NCMAP: variants seen among roughly 807,000 people sequenced by gnomAD.
The protein encoded by NCMAP is non-compact myelin associated protein, also known as noncompact myelin-associated protein.
In NCMAP, 8 loss-of-function variants were observed where a neutral mutation model predicts 7.8. That is an observed-to-expected ratio of 1.02 (90% confidence interval 0.60 to 1.84). The LOEUF (loss-of-function observed/expected upper bound fraction) is 1.84, where lower values mean the gene tolerates loss of function less well. Among genes scored for constraint, NCMAP ranks in the 40% most tolerant of loss-of-function variants. The pLI is 0.00. For missense variants in NCMAP, 112 were observed against 131.4 expected (o/e 0.85, Z 0.72); for synonymous variants, 41 against 52.9 (o/e 0.78, Z 0.98).
chr1:24,575,711 C>T (rs572046316), intron 1 of NCMAP, among the ~76,000 whole-genome samples: 4 of 150,826 alleles, frequency 2.7e-5, no homozygotes, highest in African/African-American at 2.4e-5. Context: ...TTTGAGAGGC[C>T]GAGGCGGCTG....
chr1:24,577,401 G>GTTTTTTTTTGTTTT (rs1651605073), intron 1 of NCMAP, among the ~76,000 whole-genome samples: 10 of 39,964 alleles, frequency 2.5e-4, no homozygotes, highest in South Asian at 1.3e-3. Context: ...CACTGGCCTT[G>GTTTTTTTTTGTTTT]TTTTTTTTTT....
chr1:24,562,764 C>A (rs1215507806), intron 1 of NCMAP, among the ~76,000 whole-genome samples: 1 of 152,214 alleles, frequency 6.6e-6, no homozygotes. Context: ...AATGCCCCTA[C>A]AGTCCCACCC....
At chr1:24,605,077 C>G (rs1652675906) in intron 3 of NCMAP, among the ~76,000 whole-genome samples, 2 of 151,522 alleles carry the variant, frequency 1.3e-5, no homozygotes, top group African/African-American at 2.4e-5. Context: ...GATCGCTCCA[C>G]TGCACTCCAG....
chr1:24,600,247 C>T (rs1652430924), intron 2 of NCMAP, among the ~76,000 whole-genome samples: 1 of 152,070 alleles, frequency 6.6e-6, no homozygotes, highest in Admixed American at 6.6e-5. Context: ...ACCTCCCAGG[C>T]TCAAGAGATC....
At chr1:24,603,362 A>G (rs1652574055) in intron 3 of NCMAP, among the ~76,000 whole-genome samples, 1 of 150,342 alleles carries the variant, frequency 6.7e-6, no homozygotes, top group Non-Finnish European at 1.5e-5. Context: ...TAACATTAAA[A>G]AATTATTTAA....
intron 1 of NCMAP, among the ~76,000 whole-genome samples, chr1:24,569,612 C>T (rs1409346310): frequency 1.3e-5 from 2 of 150,716 alleles, no homozygotes; most frequent in Admixed American, 6.6e-5. Flanking sequence ...CTAGTTCTGC[C>T]GCTTTCACTG....
At chr1:24,586,103 G>A (rs1651872752) in intron 1 of NCMAP, among the ~76,000 whole-genome samples, 2 of 152,292 alleles carry the variant, frequency 1.3e-5, no homozygotes, top group South Asian at 2.1e-4. Flanking sequence ...ACAACCCCAC[G>A]AGACAGGGGC....
chr1:24,594,602 C>T (rs1652156206), intron 1 of NCMAP, among the ~76,000 whole-genome samples: 1 of 152,218 alleles, frequency 6.6e-6, no homozygotes, highest in Non-Finnish European at 1.5e-5. Flanking sequence ...CTTTGTGCAA[C>T]CCAGCCTTTG....
In NCMAP at chr1:24,561,098, C is replaced by T. The variant is rs12070277; in HGVS notation, c.-8+4929C>T. ...CTATAATCCCAGCACTTTGGGAGGC[C>T]GAGGAGGGCGGATCACCTGAGGTCA... On this transcript the variant is annotated intron_variant, in intron 1 of 3. Transcript: ENST00000374392. Among the ~76,000 whole-genome samples, 111 of 146,454 alleles carry T rather than the reference C, an allele frequency of 7.6e-4. 1 individual carries two copies. Among genetic ancestry groups the T allele is most frequent in the African/African-American group, 2.4e-3 (94 of 39,250 alleles).
intron 1 of NCMAP, among the ~76,000 whole-genome samples, chr1:24,562,661 C>T (rs935936558): frequency 6.6e-6 from 1 of 152,198 alleles, no homozygotes; most frequent in African/African-American, 2.4e-5. Context: ...ACAATCACTG[C>T]CTGTCACTTT....
At chr1:24,558,956 T>C (rs1461383690) in intron 1 of NCMAP, among the ~76,000 whole-genome samples, 2 of 150,914 alleles carry the variant, frequency 1.3e-5, no homozygotes, top group East Asian at 3.8e-4. Context: ...ATAAACTCTT[T>C]TAATTTCTTA....
intron 3 of NCMAP, among the ~76,000 whole-genome samples, chr1:24,601,829 A>G (rs1264705655): frequency 6.6e-6 from 1 of 152,190 alleles, no homozygotes; most frequent in Non-Finnish European, 1.5e-5. Context: ...TAACGAGGTC[A>G]GGAGATGGAG....
In NCMAP at chr1:24,600,994, T is replaced by C. The variant is rs1251525101; in HGVS notation, c.137T>C (p.Val46Ala). ...GTGGTTGTCATCATCATCTTCACCG[T>C]GGTTCTGATCCTGCTGAAGATGTAC... ...VVVVVIIIFT[V>A]VLILLKMYNR... is the part of the protein sequence containing the mutation. Residue 46 changes from valine (V) to alanine (A), a missense_variant, in exon 3 of 4, where the codon GTG (valine) becomes GCG (alanine). By Grantham distance (64) the Val-to-Ala change is moderately conservative (BLOSUM62 0). Transcript: ENST00000374392. 1 of 1,614,166 alleles carries C rather than the reference T, an allele frequency of 6.2e-7. No homozygotes were observed. Among genetic ancestry groups the C allele is most frequent in the South Asian group, 1.1e-5 (1 of 91,082 alleles).
intron 1 of NCMAP, among the ~76,000 whole-genome samples, chr1:24,557,353 A>T (rs1289906574): frequency 6.6e-6 from 1 of 152,100 alleles, no homozygotes; most frequent in Non-Finnish European, 1.5e-5. Context: ...AGAGCAACAG[A>T]TTATAGGCAC....
intron 2 of NCMAP, among the ~76,000 whole-genome samples, chr1:24,600,641 G>A (rs1480065675): frequency 6.6e-6 from 1 of 152,210 alleles, no homozygotes. Flanking sequence ...AGGGTATGTT[G>A]TTTGTTTGTT....
chr1:24,579,242 A>G (rs992430526), intron 1 of NCMAP, among the ~76,000 whole-genome samples: 1 of 151,342 alleles, frequency 6.6e-6, no homozygotes, highest in Non-Finnish European at 1.5e-5. Context: ...GTCCTTTCTC[A>G]TAGCATCCTG....
chr1:24,568,022 C>A (rs1020545373), intron 1 of NCMAP, among the ~76,000 whole-genome samples: 1 of 152,086 alleles, frequency 6.6e-6, no homozygotes, highest in Non-Finnish European at 1.5e-5. Context: ...AGGTCACACT[C>A]CCGTGACCGC....
intron 1 of NCMAP, among the ~76,000 whole-genome samples, chr1:24,586,529 G>A (rs556002478): frequency 1.3e-5 from 2 of 152,152 alleles, no homozygotes; most frequent in Non-Finnish European, 2.9e-5. Context: ...TTGGGAGGCC[G>A]AGGAGGGCGG....
rs6656087 is a variant in NCMAP, at chr1:24,556,399, A to G, written c.-8+230A>G. ...GGTGGGAGGGAGGCTGATCATCTCC[A>G]GTGGGTCTTGGAGACGAGGTCGTTT... is the stretch of plus-strand genomic sequence containing the variant. On this transcript the variant is annotated intron_variant, in intron 1 of 3. Transcript: ENST00000374392. 0.22 allele frequency among the ~76,000 whole-genome samples: 33,938 copies of G among 151,678 alleles called. 3,958 individuals carry two copies. Among genetic ancestry groups the G allele is most frequent in the African/African-American group, 0.26 (10,809 of 41,282 alleles).
Sources: gnomAD v4.1 joint callset for allele counts (sites outside exome capture counted in the v4.1 genomes callset) on GRCh38, gnomAD v4.1.1 for gene constraint, MANE v1.5 for transcripts, NCBI Gene and HGNC (gene_info 2026-07-23, HGNC 2026-07-21) for gene names.